The following AGL variants were observed in gnomAD, a reference collection of about 807,000 sequenced individuals.
The protein encoded by AGL is glycogen debranching enzyme.
AGL carries 128 observed loss-of-function variants against 199.3 expected under a neutral mutation model. The ratio of observed to expected loss-of-function variants is 0.64; its 90% CI spans 0.56 to 0.74. The LOEUF (loss-of-function observed/expected upper bound fraction) is 0.74, where lower values mean the gene tolerates loss of function less well. AGL is among the 30% of genes least tolerant of loss of function. AGL has a pLI of 0.00. For synonymous variants in AGL, 584 were observed against 594.7 expected (o/e 0.98, Z 0.26); for missense variants, 1,809 against 1,820.8 (o/e 0.99, Z 0.12).
intron 2 of AGL, among the ~76,000 whole-genome samples, chr1:99,858,055 G>A (rs1382178304): frequency 6.6e-6 from 1 of 152,180 alleles, no homozygotes; most frequent in African/African-American, 2.4e-5. Flanking sequence ...ACCCTCATTT[G>A]TTTGCAGTAT....
At chr1:99,899,155 T>G (rs1397824290) in intron 25 of AGL, among the ~76,000 whole-genome samples, 1 of 152,208 alleles carries the variant, frequency 6.6e-6, no homozygotes, top group Non-Finnish European at 1.5e-5. Flanking sequence ...TATACTAATA[T>G]TTTTATACTT....
At chr1:99,901,382 TAAAAAAAA>T (rs58305886) in intron 26 of AGL, among the ~76,000 whole-genome samples, 5 of 107,758 alleles carry the variant, frequency 4.6e-5, no homozygotes, top group Non-Finnish European at 9.0e-5. Context: ...TCAGTCTCTT[TAAAAAAAA>T]AAAAAAAAAA....
chr1:99,922,329 A>T lies in AGL; in HGVS notation c.*678A>T, dbSNP rs946193825. The T allele has an allele frequency of 6.6e-6, 1 of 151,816 alleles. No homozygotes were observed. The highest frequency in any genetic ancestry group is 1.5e-5 in the Non-Finnish European group (1 of 67,804). The allele number at this position is 151,816 out of a possible 1,614,324, so 9.4% of individuals were successfully genotyped here. A position where few individuals can be genotyped will look rare whatever the true frequency, so the allele number is the denominator to read the frequency against. On this transcript the variant is annotated 3_prime_UTR_variant, in exon 34 of 34. Transcript: ENST00000361915. Reference sequence around the variant, plus strand: ...CTAAAAACAGTTTTGTAAAATTAGTATTGAGTTCTATTGAGTATTATAAGA... The same window carrying T: ...CTAAAAACAGTTTTGTAAAATTAGTTTTGAGTTCTATTGAGTATTATAAGA...
Position 99,864,564 on chromosome 1 carries a change from T to G in AGL, c.639T>G (p.Ile213Met). Residue 213 changes from isoleucine (I) to methionine (M), a missense_variant, in exon 5 of 34, where the codon ATT becomes ATG. Ile to Met is a conservative substitution (Grantham distance 10). Coordinates refer to ENST00000361915, the MANE Select transcript of AGL (RefSeq NM_000642.3). Reference sequence around the variant, plus strand: ...AAAAGGAATGGAATGTTATTTGTATTACTGATGTTGTCTACAATCATACTG... The same window carrying G: ...AAAAGGAATGGAATGTTATTTGTATGACTGATGTTGTCTACAATCATACTG... The part of the protein sequence containing the change: ...KLKKEWNVIC[I>M]TDVVYNHTAA... 6.2e-6 allele frequency: 10 copies of G among 1,613,828 alleles called. No individual in the cohort carries two copies. Among genetic ancestry groups the G allele is most frequent in the Non-Finnish European group, 8.5e-6 (10 of 1,179,838 alleles).
intron 25 of AGL, 41 bp from the exon 26 acceptor site, chr1:99,900,595 G>GT (rs1320802558): frequency 1.3e-6 from 2 of 1,576,536 alleles, no homozygotes; most frequent in Non-Finnish European, 1.7e-6. Context: ...ATTTTTAAGT[G>GT]TTTGTTTTCA....
Position 99,891,338 on chromosome 1 carries a change from A to G in AGL, c.2931A>G (p.Arg977=). Residue 977 remains arginine, a synonymous_variant, in exon 22 of 34, where the codon CGA becomes CGG. Transcript: ENST00000361915. ...IDYVSNRLIS[R]SGTIAEVGKW... The stretch of plus-strand genomic sequence containing the variant: ...ATGTCAGTAACCGGCTTATTTCACG[A>G]TCAGGAACTATTGCTGAAGTAAGTA... 2 of 1,613,686 alleles carry G rather than the reference A, an allele frequency of 1.2e-6. No individual in the cohort carries two copies. Among genetic ancestry groups the G allele is most frequent in the South Asian group, 2.2e-5 (2 of 91,072 alleles).
intron 24 of AGL, among the ~76,000 whole-genome samples, chr1:99,895,658 T>C (rs2100801878): frequency 6.6e-6 from 1 of 152,298 alleles, no homozygotes; most frequent in South Asian, 2.1e-4. Context: ...GATCTCTGAT[T>C]TTACTCTTTA....
At chr1:99,908,948 G>A (rs1654526534) in intron 27 of AGL, among the ~76,000 whole-genome samples, 1 of 152,134 alleles carries the variant, frequency 6.6e-6, no homozygotes. Context: ...CTTTGGGTGT[G>A]TTAATGCTCA....
chr1:99,861,438 A>G lies in AGL; in HGVS notation c.83-65A>G, dbSNP rs771327692. 1.9e-6 allele frequency: 3 copies of G among 1,606,926 alleles called. No individual in the cohort carries two copies. The South Asian group carries it at 3.4e-5, about 18-fold the overall frequency. On this transcript the variant is annotated intron_variant, in intron 2 of 33. Transcript: ENST00000361915. ...GGTTTTTTAATACTTTAAATAAAAC[A>G]TCTGTTTTTCAATGTGGTAATTTAA...
At chr1:99,909,035 T>C (rs932536764) in intron 27 of AGL, among the ~76,000 whole-genome samples, 15 of 152,098 alleles carry the variant, frequency 9.9e-5, no homozygotes, top group Non-Finnish European at 2.9e-5. Context: ...TCCAGCTTCC[T>C]CCTCTTCAGA....
Position 99,881,115 on chromosome 1 carries a change from G to A in AGL, c.1939G>A (p.Val647Ile), listed in dbSNP as rs770836797. 1.1e-5 allele frequency: 17 copies of A among 1,613,804 alleles called. No individual in the cohort carries two copies. The South Asian group carries it at 1.4e-4, about 14-fold the overall frequency. ...AYDALPSTTI[V>I]SMACCASGST... ...TGATGCTCTTCCAAGTACTACAATT[G>A]TTTCTATGGCATGTTGTGCTAGTGG... The change falls in exon 15 of 34, where the codon GTT (valine) becomes ATT (isoleucine). Residue 647 changes from valine (V) to isoleucine (I), a missense_variant. Coordinates refer to ENST00000361915, the MANE Select transcript of AGL (RefSeq NM_000642.3).
In AGL at chr1:99,922,123, A is replaced by G. The variant is rs1317400740; in HGVS notation, c.*472A>G. The G allele has an allele frequency of 1.3e-5, 2 of 152,132 alleles. No homozygotes were observed. The highest frequency in any genetic ancestry group is 4.8e-5 in the African/African-American group (2 of 41,458). The allele number at this position is 152,132 out of a possible 1,614,324, so 9.4% of individuals were successfully genotyped here. A position where few individuals can be genotyped will look rare whatever the true frequency, so the allele number is the denominator to read the frequency against. On this transcript the variant is annotated 3_prime_UTR_variant, in exon 34 of 34. Coordinates refer to ENST00000361915, the MANE Select transcript of AGL (RefSeq NM_000642.3). ...GCTCACTGCATTTAATAAATATTTA[A>G]TAAATGATGAATGATAGAAGTTTCC...
intron 27 of AGL, among the ~76,000 whole-genome samples, chr1:99,903,631 A>G (rs1489186883): frequency 6.6e-6 from 1 of 152,194 alleles, no homozygotes; most frequent in Non-Finnish European, 1.5e-5. Context: ...CATGATTTAT[A>G]ATCCTTTGGG....
In AGL at chr1:99,900,889, TG is replaced by T. The variant is rs779119469; in HGVS notation, c.3588+29del. 7.0e-5 allele frequency: 101 copies of T among 1,452,858 alleles called. No individual in the cohort carries two copies. In the East Asian group the frequency reaches 7.0e-4, roughly 10 times the overall value. 90.0% of individuals were successfully genotyped at this position (1,452,858 alleles called of 1,614,324 possible). A position where few individuals can be genotyped will look rare whatever the true frequency, so the allele number is the denominator to read the frequency against. On this transcript the variant is annotated intron_variant, in intron 26 of 33. Transcript: ENST00000361915. ...AAAGATATTTCTTAAAATGTTTTTT[TG>T]TTTTTTTTTTTTTTTCTGAAAAATG...
At position 99,884,016 on chromosome 1, in the gene AGL, A is replaced by G. The variant is rs573981281; in HGVS notation, c.2309-104A>G. Reference sequence around the variant, plus strand: ...GACTTCTAAAAAAAAGTAACTGATAATTTGTTTTCAACTTTAAGTTAAATG... The same window carrying G: ...GACTTCTAAAAAAAAGTAACTGATAGTTTGTTTTCAACTTTAAGTTAAATG... On this transcript the variant is annotated intron_variant, in intron 17 of 33. Coordinates refer to ENST00000361915, the MANE Select transcript of AGL (RefSeq NM_000642.3). The G allele has an allele frequency of 1.5e-5, 14 of 965,392 alleles. No individual in the cohort carries two copies. In the South Asian group the frequency reaches 1.9e-4, roughly 13 times the overall value. 59.8% of individuals were successfully genotyped at this position (965,392 alleles called of 1,614,324 possible).
Position 99,923,974 on chromosome 1 carries a change from A to G in AGL, c.*2323A>G, listed in dbSNP as rs1655682992. ...CTACTGTGTCTAGTGGGCAAATGTCATTGTTACCTCTGTGTGTTAAGAAAA... is the reference window on the plus strand; with the variant it reads ...CTACTGTGTCTAGTGGGCAAATGTCGTTGTTACCTCTGTGTGTTAAGAAAA... On this transcript the variant is annotated 3_prime_UTR_variant, in exon 34 of 34. Transcript: ENST00000361915. 1 of 152,182 alleles carries G rather than the reference A, an allele frequency of 6.6e-6. No homozygotes were observed. Among genetic ancestry groups the G allele is most frequent in the Admixed American group, 6.6e-5 (1 of 15,260 alleles). 9.4% of individuals were successfully genotyped at this position (152,182 alleles called of 1,614,324 possible). A position where few individuals can be genotyped will look rare whatever the true frequency, so the allele number is the denominator to read the frequency against.
chr1:99,899,966 G>A (rs1381272427), intron 25 of AGL, among the ~76,000 whole-genome samples: 1 of 150,014 alleles, frequency 6.7e-6, no homozygotes, highest in Admixed American at 6.7e-5. Context: ...GTCTTGCTCT[G>A]TTGCCCAGAC....
chr1:99,881,734 T>C (rs765075102), intron 17 of AGL, 43 bp downstream of exon 17: 13 of 1,439,928 alleles, frequency 9.0e-6, no homozygotes, highest in Non-Finnish European at 1.2e-5. Context: ...TATTATATTA[T>C]TATATTAAAT....
intron 12 of AGL, among the ~76,000 whole-genome samples, chr1:99,879,707 C>T (rs1460991983): frequency 6.6e-6 from 1 of 152,132 alleles, no homozygotes; most frequent in Non-Finnish European, 1.5e-5. Context: ...TTTCCTCTCT[C>T]ATGTCTCAAT....
Sources: allele counts gnomAD v4.1 joint callset (sites outside exome capture counted in the v4.1 genomes callset), GRCh38; gene constraint gnomAD v4.1.1; transcripts MANE v1.5; gene names NCBI Gene and HGNC (gene_info 2026-07-23, HGNC 2026-07-21).